Variants in DHRSX observed in about 807,000 individuals in gnomAD.
DHRSX encodes the protein polyprenol dehydrogenase.
Under a neutral mutation model 34.0 loss-of-function variants are expected in DHRSX, and 31 were observed. That is an observed-to-expected ratio of 0.91 (90% CI 0.69 to 1.23). DHRSX has a LOEUF of 1.23. DHRSX is among the 50% of genes most tolerant of loss of function. The probability of loss-of-function intolerance (pLI) is 0.00; values close to 1 mark genes in which losing one functional copy is unlikely to be tolerated. For missense variants in DHRSX, 414 were observed against 428.1 expected (o/e 0.97, Z 0.29); for synonymous variants, 201 against 183.8 (o/e 1.09, Z -0.76).
rs1342596042 is a variant in DHRSX at position 2,500,866 on chromosome X, C to T, written c.60G>A (p.Val20=). Residue 20 remains valine (V), a synonymous_variant, in exon 1 of 7, where the codon GTG becomes GTA. Transcript: ENST00000334651. ...ALRVYAVGAA[V]ILAQLLRRCR... is the part of the protein sequence containing the mutation. ...AGCGCCGCAGCAGCTGCGCCAGGAT[C>T]ACCGCGGCGCCTACCGCGTAGACCC... The T allele has an allele frequency of 8.6e-7, 1 of 1,159,532 alleles. No homozygotes were observed. Among genetic ancestry groups the T allele is most frequent in the East Asian group, 4.7e-5 (1 of 21,498 alleles). The allele number at this position is 1,159,532 out of a possible 1,614,324, so 71.8% of individuals were successfully genotyped here.
rs768015878 is a variant in DHRSX, at chrX:2,374,664, G to A, written c.286+34081C>T. Reference sequence around the variant, plus strand: ...TAAGGCAGGAGAATTGCTGGAACCCGGGAGGCGGAGGTTGCAGTGAGCCGA... The same window carrying A: ...TAAGGCAGGAGAATTGCTGGAACCCAGGAGGCGGAGGTTGCAGTGAGCCGA... On this transcript the variant is annotated intron_variant, in intron 3 of 6. Coordinates refer to ENST00000334651, the MANE Select transcript of DHRSX (RefSeq NM_145177.3). 2.9e-5 allele frequency among the ~76,000 whole-genome samples: 4 copies of A among 137,052 alleles called. 1 individual carries two copies. The highest frequency in any genetic ancestry group is 2.9e-4 in the Admixed American group (4 of 13,722). 89.9% of individuals were successfully genotyped at this position (137,052 alleles called of 152,430 possible).
At chrX:2,267,012 GA>G in intron 4 of DHRSX, 65 bp from the exon 5 acceptor site, 1 of 1,536,094 alleles carries the variant, frequency 6.5e-7, no homozygotes, top group Non-Finnish European at 9.0e-7. Context: ...CTCACAGATG[GA>G]TTCCCCAGAT....
At chrX:2,417,954 T>C (rs2043717298) in intron 2 of DHRSX, among the ~76,000 whole-genome samples, 2 of 151,918 alleles carry the variant, frequency 1.3e-5, no homozygotes, top group South Asian at 4.2e-4. Context: ...CCAAACCTCA[T>C]CATGACTTAA....
intron 5 of DHRSX, among the ~76,000 whole-genome samples, chrX:2,252,609 G>A (rs1234228767): frequency 6.6e-6 from 1 of 152,158 alleles, no homozygotes; most frequent in Non-Finnish European, 1.5e-5. Flanking sequence ...GTAAATGGAG[G>A]GGTTGGTTCT....
intron 1 of DHRSX, among the ~76,000 whole-genome samples, chrX:2,441,265 T>G (rs1400513341): frequency 6.6e-6 from 1 of 152,118 alleles, no homozygotes; most frequent in African/African-American, 2.4e-5. Context: ...GGCTAAGGAC[T>G]ATTTGACAGG....
intron 3 of DHRSX, among the ~76,000 whole-genome samples, chrX:2,382,701 A>T (rs2043221520): frequency 6.6e-6 from 1 of 151,050 alleles, no homozygotes; most frequent in Non-Finnish European, 1.5e-5. Context: ...CACCATCATC[A>T]CCATCACCAT....
chrX:2,418,585 G>T (rs765242733), intron 2 of DHRSX, among the ~76,000 whole-genome samples: 43 of 152,290 alleles, frequency 2.8e-4, no homozygotes, highest in African/African-American at 9.9e-4. Context: ...TCATTGCACT[G>T]GAGGAGACAA....
At chrX:2,342,701 C>G (rs2042655966) in intron 3 of DHRSX, among the ~76,000 whole-genome samples, 1 of 152,152 alleles carries the variant, frequency 6.6e-6, no homozygotes, top group Non-Finnish European at 1.5e-5. Context: ...TTCACAGTTT[C>G]CATGATTCCC....
intron 5 of DHRSX, among the ~76,000 whole-genome samples, chrX:2,262,494 A>G (rs1005797499): frequency 3.3e-5 from 5 of 152,026 alleles, no homozygotes; most frequent in African/African-American, 1.2e-4. Flanking sequence ...ACAGGTACAC[A>G]CAACTCACCT....
intron 1 of DHRSX, among the ~76,000 whole-genome samples, chrX:2,483,007 T>G: frequency 6.6e-6 from 1 of 152,174 alleles, no homozygotes; most frequent in East Asian, 1.9e-4. Flanking sequence ...CACAACCTAC[T>G]AGCTCACGTA....
chrX:2,331,685 G>A (rs1482198357), intron 3 of DHRSX, among the ~76,000 whole-genome samples: 1 of 151,766 alleles, frequency 6.6e-6, no homozygotes, highest in Non-Finnish European at 1.5e-5. Flanking sequence ...CCTGACCTCA[G>A]GTGATCCACC....
rs181526753 is a variant in DHRSX, at chrX:2,241,738, G to A, written c.804+1285C>T. Among the ~76,000 whole-genome samples the A allele has an allele frequency of 1.3e-4, 20 of 152,090 alleles. No individual in the cohort carries two copies. The East Asian group carries it at 3.3e-3, about 25-fold the overall frequency. On this transcript the variant is annotated intron_variant, in intron 6 of 6. Transcript: ENST00000334651. ...AGCCTGGTCAGCGTGATGAAACCCC[G>A]TCTCTACTAAAAATACAAAATTAGC... is the stretch of plus-strand genomic sequence containing the variant.
At chrX:2,254,329 T>C (rs2041246568) in intron 5 of DHRSX, among the ~76,000 whole-genome samples, 1 of 152,186 alleles carries the variant, frequency 6.6e-6, no homozygotes, top group South Asian at 2.1e-4. Flanking sequence ...ATAATCAAAT[T>C]GCCAATGCAA....
intron 3 of DHRSX, among the ~76,000 whole-genome samples, chrX:2,372,117 T>A (rs1426449696): frequency 2.0e-5 from 3 of 152,182 alleles, no homozygotes; most frequent in Non-Finnish European, 2.9e-5. Context: ...TCGGGTTTCT[T>A]CTTTCTTTGC....
At chrX:2,271,082 C>T (rs2041547252) in intron 4 of DHRSX, among the ~76,000 whole-genome samples, 1 of 152,210 alleles carries the variant, frequency 6.6e-6, no homozygotes, top group Admixed American at 6.5e-5. Context: ...TCACTCTTCA[C>T]CATAAATCTT....
At chrX:2,321,838 C>T (rs1245629693) in intron 3 of DHRSX, among the ~76,000 whole-genome samples, 2 of 152,074 alleles carry the variant, frequency 1.3e-5, no homozygotes, top group South Asian at 2.1e-4. Context: ...CCCTCCTGTC[C>T]GCTCTCATCT....
intron 3 of DHRSX, among the ~76,000 whole-genome samples, chrX:2,364,269 G>A (rs2042973035): frequency 6.6e-6 from 1 of 152,094 alleles, no homozygotes. Flanking sequence ...AATGTCTGGA[G>A]GTATTTTTGG....
chrX:2,267,732 C>A (rs189252468), intron 4 of DHRSX, among the ~76,000 whole-genome samples: 5 of 151,928 alleles, frequency 3.3e-5, no homozygotes, highest in African/African-American at 7.3e-5. Flanking sequence ...GACTGCTTGA[C>A]GTCAGGAGTT....
At chrX:2,449,377 A>C (rs1487976924) in intron 1 of DHRSX, among the ~76,000 whole-genome samples, 1 of 152,162 alleles carries the variant, frequency 6.6e-6, no homozygotes, top group Non-Finnish European at 1.5e-5. Context: ...CATCCTCCTG[A>C]GTACATGCAA....
Sources: allele counts gnomAD v4.1 joint callset (sites outside exome capture counted in the v4.1 genomes callset), GRCh38; gene constraint gnomAD v4.1.1; transcripts MANE v1.5; gene names NCBI Gene and HGNC (gene_info 2026-07-23, HGNC 2026-07-21).